Variants in CPLANE1 observed in about 807,000 individuals in gnomAD.
CPLANE1 encodes the protein ciliogenesis and planar polarity effector 1.
A neutral mutation model predicts 362.5 loss-of-function variants in CPLANE1; 263 were observed. That is an observed-to-expected ratio of 0.73 (90% CI 0.66 to 0.80). The LOEUF is 0.80. CPLANE1 is among the 30% of genes least tolerant of loss of function. CPLANE1 has a pLI of 0.00. For synonymous variants in CPLANE1, 1,212 were observed against 1,302.6 expected, an observed-to-expected ratio of 0.93 and a Z score of 1.50; for missense variants, 3,461 against 3,793.4, an observed-to-expected ratio of 0.91 and a Z score of 2.30.
intron 5 of CPLANE1, among the ~76,000 whole-genome samples, chr5:37,243,642 G>GCT (rs992597623): frequency 2.0e-5 from 3 of 146,596 alleles, no homozygotes; most frequent in Non-Finnish European, 4.5e-5. Context: ...TACCAAACAA[G>GCT]CTCTCTCTCT....
rs775560336 is a variant in CPLANE1, at chr5:37,114,986, G to A, written c.9374C>T (p.Thr3125Met). ...TTTTTGGAAGGTAACTGGAGACTGC[G>A]TAGCCTTTCTTACTGCTGCTTTGGC... ...GGAKAAVRKA[T>M]QSPVTFQKGS... Residue 3125 changes from threonine (T) to methionine (M), a missense_variant, in exon 51 of 53, where the codon ACG becomes ATG. By Grantham distance (81) the Thr-to-Met change is moderately conservative. This residue lies in a region of CPLANE1 where 3,380 missense variants were observed against 3,666.1 expected (regional missense o/e 0.92). Coordinates refer to ENST00000651892, the MANE Select transcript of CPLANE1 (RefSeq NM_001384732.1). The A allele has an allele frequency of 1.9e-5, 31 of 1,610,494 alleles. No individual in the cohort carries two copies. Among genetic ancestry groups the A allele is most frequent in the South Asian group, 4.4e-5 (4 of 90,556 alleles).
At chr5:37,193,899 C>G (rs1786406268) in intron 21 of CPLANE1, among the ~76,000 whole-genome samples, 1 of 151,414 alleles carries the variant, frequency 6.6e-6, no homozygotes, top group Non-Finnish European at 1.5e-5. Context: ...GCCACCGCAC[C>G]TGGCCAGAAA....
chr5:37,101,639 C>A (rs990827127), downstream of CPLANE1, among the ~76,000 whole-genome samples: 1 of 152,054 alleles, frequency 6.6e-6, no homozygotes, highest in Admixed American at 6.6e-5. Flanking sequence ...AGGAGTCGCT[C>A]CTTTTCAATT....
At chr5:37,196,621 G>A (rs1227269247) in intron 20 of CPLANE1, among the ~76,000 whole-genome samples, 1 of 152,002 alleles carries the variant, frequency 6.6e-6, no homozygotes, top group Non-Finnish European at 1.5e-5. Flanking sequence ...ACTTATGAAA[G>A]ATTCATTTCT....
intron 8 of CPLANE1, among the ~76,000 whole-genome samples, chr5:37,232,316 G>C (rs1797892145): frequency 1.3e-5 from 2 of 151,940 alleles, no homozygotes; most frequent in African/African-American, 4.8e-5. Flanking sequence ...AGGAATTCAA[G>C]ACCAGCCTGG....
intron 32 of CPLANE1, among the ~76,000 whole-genome samples, chr5:37,173,288 T>C (rs1397293411): frequency 1.3e-5 from 2 of 152,194 alleles, no homozygotes; most frequent in Non-Finnish European, 2.9e-5. Context: ...TAGTGTCAGC[T>C]GGAAAATAAA....
At chr5:37,224,209 A>G in intron 14 of CPLANE1, 44 bp downstream of exon 14, 1 of 1,278,066 alleles carries the variant, frequency 7.8e-7, no homozygotes, top group Non-Finnish European at 1.1e-6. Flanking sequence ...AGCTAAAAGG[A>G]GTCCTGCTAA....
rs1434137839 is a variant in CPLANE1, at chr5:37,187,445, C to G, written c.4049G>C (p.Ser1350Thr). The change falls in exon 23 of 53, where the codon AGC (serine) becomes ACC (threonine). Residue 1350 changes from serine (S) to threonine (T), a missense_variant. Transcript: ENST00000651892. ...MEELIQDIIL[S>T]LIGELPPIRK... ...GATTGGTGGCAGTTCTCCAATAAGG[C>G]TCAAAATTATATCCTGAATAAGTTC... 1.9e-6 allele frequency: 3 copies of G among 1,613,012 alleles called. No individual in the cohort carries two copies. Among genetic ancestry groups the G allele is most frequent in the Non-Finnish European group, 2.5e-6 (3 of 1,179,648 alleles).
At chr5:37,220,823 T>C (rs1795209465) in intron 15 of CPLANE1, among the ~76,000 whole-genome samples, 2 of 152,232 alleles carry the variant, frequency 1.3e-5, no homozygotes, top group South Asian at 2.1e-4. Context: ...CCGGCCCAGA[T>C]TTTTTAAAAG....
intron 46 of CPLANE1, among the ~76,000 whole-genome samples, chr5:37,133,907 G>C (rs189313757): frequency 2.1e-3 from 320 of 152,040 alleles, no homozygotes; most frequent in African/African-American, 7.1e-3. Context: ...GTTGGCTGTG[G>C]GTTTGTCATA....
chr5:37,190,366 G>A (rs549124716), intron 21 of CPLANE1, among the ~76,000 whole-genome samples: 18 of 150,932 alleles, frequency 1.2e-4, no homozygotes, highest in Middle Eastern at 6.8e-3. Context: ...CCAGGAGTTC[G>A]AGACCAGCTT....
intron 13 of CPLANE1, 86 bp from the exon 14 acceptor site, chr5:37,224,419 G>T: frequency 1.6e-6 from 2 of 1,280,128 alleles, no homozygotes; most frequent in Non-Finnish European, 2.2e-6. Context: ...AGTTAATGGA[G>T]CTCAGCCAGA....
At chr5:37,188,539 T>C (rs563705291) in intron 21 of CPLANE1, among the ~76,000 whole-genome samples, 16 of 152,244 alleles carry the variant, frequency 1.1e-4, no homozygotes, top group African/African-American at 3.9e-4. Context: ...ATGGATGTGG[T>C]GAAAAGGAAA....
chr5:37,112,640 A>G (rs557910067), intron 51 of CPLANE1, among the ~76,000 whole-genome samples: 11 of 152,358 alleles, frequency 7.2e-5, no homozygotes, highest in African/African-American at 2.6e-4. Flanking sequence ...CAGTGTCTAC[A>G]GAGTCTAGCC....
intron 21 of CPLANE1, among the ~76,000 whole-genome samples, chr5:37,188,146 C>A (rs1209374415): frequency 1.3e-5 from 2 of 152,034 alleles, no homozygotes; most frequent in African/African-American, 4.8e-5. Flanking sequence ...TAAAATCATA[C>A]TATGTATGCT....
At chr5:37,093,358 A>G in the CPLANE1 span, among the ~76,000 whole-genome samples, 1 of 152,218 alleles carries the variant, frequency 6.6e-6, no homozygotes, top group South Asian at 2.1e-4. Flanking sequence ...TTAAGCTGCA[A>G]CTGGGAGCAT....
intron 35 of CPLANE1, among the ~76,000 whole-genome samples, 199 bp downstream of exon 35, chr5:37,166,848 G>GA (rs751605059): frequency 2.6e-5 from 4 of 151,982 alleles, no homozygotes; most frequent in African/African-American, 9.7e-5. Flanking sequence ...AATAAAATGG[G>GA]AAAAAATTAT....
chr5:37,144,397 T>TAA (rs1176016655), intron 43 of CPLANE1, among the ~76,000 whole-genome samples: 49 of 67,470 alleles, frequency 7.3e-4, no homozygotes, highest in Admixed American at 1.5e-3. Flanking sequence ...AGACTTTGTC[T>TAA]AAAAAAAAAA....
Position 37,114,996 on chromosome 5 carries a change from T to C in CPLANE1, c.9364A>G (p.Arg3122Gly), listed in dbSNP as rs764300212. ...KKAGGAKAAVRKATQSPVTFQ... is the reference protein window; with the variant it reads ...KKAGGAKAAVGKATQSPVTFQ... ...GTAACTGGAGACTGCGTAGCCTTTC[T>C]TACTGCTGCTTTGGCTCCACCAGCT... Residue 3122 changes from arginine (R) to glycine (G), a missense_variant, in exon 51 of 53, where the codon AGA (arginine) becomes GGA (glycine). Arg to Gly is a moderately radical substitution (Grantham distance 125). Coordinates refer to ENST00000651892, the MANE Select transcript of CPLANE1 (RefSeq NM_001384732.1). The C allele has an allele frequency of 1.5e-5, 24 of 1,611,624 alleles. No individual in the cohort carries two copies. Among genetic ancestry groups the C allele is most frequent in the Non-Finnish European group, 2.0e-5 (23 of 1,178,516 alleles).
Sources: allele counts gnomAD v4.1 joint callset (sites outside exome capture counted in the v4.1 genomes callset), GRCh38; gene constraint gnomAD v4.1.1; regional missense constraint gnomAD v4.1.1; transcripts MANE v1.5; gene names NCBI Gene and HGNC (gene_info 2026-07-23, HGNC 2026-07-21).